Variants in LRRC7 observed in about 807,000 individuals in gnomAD.
LRRC7 encodes the protein leucine rich repeat containing 7.
LRRC7 carries 23 observed loss-of-function variants against 175.7 expected under a neutral mutation model. The ratio of observed to expected loss-of-function variants is 0.13; its 90% confidence interval spans 0.09 to 0.19. The LOEUF (loss-of-function observed/expected upper bound fraction) is 0.19. LRRC7 is among the 10% of genes least tolerant of loss of function. The pLI is 1.00. For synonymous variants in LRRC7, 685 were observed against 680.9 expected, an observed-to-expected ratio of 1.01 and a Z score of -0.09; for missense variants, 1,354 against 1,904.7, an observed-to-expected ratio of 0.71 and a Z score of 5.38.
chr1:69,959,483 A>T (rs1395511400), intron 8 of LRRC7, among the ~76,000 whole-genome samples: 1 of 152,110 alleles, frequency 6.6e-6, no homozygotes, highest in East Asian at 1.9e-4. Context: ...TGCAATTGAG[A>T]TTTCAAAGGT....
chr1:69,723,894 T>A (rs1177071474), intron 2 of LRRC7, among the ~76,000 whole-genome samples: 1 of 152,076 alleles, frequency 6.6e-6, no homozygotes, highest in Non-Finnish European at 1.5e-5. Context: ...CTGTCATGAA[T>A]TCAATATCTC....
At chr1:69,940,239 C>A (rs1029933355) in intron 8 of LRRC7, among the ~76,000 whole-genome samples, 1 of 152,102 alleles carries the variant, frequency 6.6e-6, no homozygotes, top group Non-Finnish European at 1.5e-5. Flanking sequence ...AATAAGCAGA[C>A]TCCACTGTCA....
At chr1:69,893,814 C>A (rs1364806451) in intron 7 of LRRC7, among the ~76,000 whole-genome samples, 1 of 124,414 alleles carries the variant, frequency 8.0e-6, no homozygotes, top group Middle Eastern at 3.8e-3. Flanking sequence ...TACTTGAAAA[C>A]CAAACTTTTT....
chr1:69,985,003 C>T (rs918469749), intron 9 of LRRC7, among the ~76,000 whole-genome samples: 22 of 152,188 alleles, frequency 1.4e-4, no homozygotes, highest in African/African-American at 4.8e-4. Flanking sequence ...TATAAAGGCA[C>T]GTGCTGTTCT....
rs774017642 is a variant in LRRC7, at chr1:70,138,775, A to G, written c.*16888A>G. The stretch of plus-strand genomic sequence containing the variant: ...GTGGAGGAGCTCGTTTGTCCAAGGT[A>G]TGATCTACCAGTGAGAAGATCAGTG... On this transcript the variant is annotated 3_prime_UTR_variant, in exon 27 of 27. Transcript: ENST00000651989. 2.6e-5 allele frequency: 4 copies of G among 152,204 alleles called. No individual in the cohort carries two copies. Among genetic ancestry groups the G allele is most frequent in the African/African-American group, 9.6e-5 (4 of 41,456 alleles). The allele number at this position is 152,204 out of a possible 1,614,324, so 9.4% of individuals were successfully genotyped here.
chr1:69,693,857 A>G (rs1301788605), intron 2 of LRRC7, among the ~76,000 whole-genome samples: 1 of 152,164 alleles, frequency 6.6e-6, no homozygotes, highest in Non-Finnish European at 1.5e-5. Context: ...AACAATATGA[A>G]ACTGGCACTA....
In LRRC7 at chr1:70,143,734, T is replaced by A. The variant is rs1009863119; in HGVS notation, c.*21847T>A. On this transcript the variant is annotated 3_prime_UTR_variant, in exon 27 of 27. Transcript: ENST00000651989. Reference sequence around the variant, plus strand: ...ATTGCTTACTTTAATAATACAATTTTACCATTTTATAAAAAAAATCAAATC... The same window carrying A: ...ATTGCTTACTTTAATAATACAATTTAACCATTTTATAAAAAAAATCAAATC... The A allele has an allele frequency of 2.0e-5, 3 of 152,078 alleles. No individual in the cohort carries two copies. The highest frequency in any genetic ancestry group is 2.9e-5 in the Non-Finnish European group (2 of 68,016). 9.4% of individuals were successfully genotyped at this position (152,078 alleles called of 1,614,324 possible).
chr1:69,692,460 G>A (rs951617097), intron 2 of LRRC7, among the ~76,000 whole-genome samples: 28 of 152,316 alleles, frequency 1.8e-4, no homozygotes, highest in African/African-American at 5.1e-4. Flanking sequence ...ACAGCTAGAA[G>A]GGCATTTATT....
Position 70,028,229 on chromosome 1 carries a change from T to G in LRRC7, c.1853T>G (p.Val618Gly). The change falls in exon 18 of 27, where the codon GTA (valine) becomes GGA (glycine). Residue 618 changes from valine to glycine, a missense_variant. By Grantham distance (109) the Val-to-Gly change is moderately radical (BLOSUM62 -3). Coordinates refer to ENST00000651989, the MANE Select transcript of LRRC7 (RefSeq NM_001370785.2). ...TACCCAGAGGATTTAAAGAATATGG[T>G]AAAATCTGTTCAAAATTTGGTGGGT... is the stretch of plus-strand genomic sequence containing the variant. ...TPYPEDLKNMVKSVQNLVGKP... is the reference protein window; with the variant it reads ...TPYPEDLKNMGKSVQNLVGKP... The G allele has an allele frequency of 6.2e-7, 1 of 1,613,808 alleles. No individual in the cohort carries two copies. The highest frequency in any genetic ancestry group is 8.5e-7 in the Non-Finnish European group (1 of 1,179,780).
chr1:69,781,942 GA>G (rs1200899086), intron 3 of LRRC7, among the ~76,000 whole-genome samples: 5 of 131,706 alleles, frequency 3.8e-5, no homozygotes, highest in African/African-American at 1.5e-4. Context: ...GAAAGAAAGA[GA>G]AAAGAAAAGA....
chr1:69,890,642 G>A (rs1269149682), intron 7 of LRRC7, among the ~76,000 whole-genome samples: 2 of 152,148 alleles, frequency 1.3e-5, no homozygotes, highest in East Asian at 3.8e-4. Flanking sequence ...TTCCTCTTTA[G>A]CTTTGAATGT....
chr1:70,121,879 A>G lies in LRRC7; in HGVS notation c.4720A>G (p.Thr1574Ala). ...AGACCTAGTTATTCAACGTGAGCTTACTGTCTAAATATTTTTTATAAATAG... is the reference window on the plus strand; with the variant it reads ...AGACCTAGTTATTCAACGTGAGCTTGCTGTCTAAATATTTTTTATAAATAG... ...TVDLVIQREL[T>A]V Residue 1574 changes from threonine (T) to alanine (A), a missense_variant, in exon 27 of 27, where the codon ACT becomes GCT. Thr to Ala is a moderately conservative substitution (Grantham distance 58, BLOSUM62 0). Coordinates refer to ENST00000651989, the MANE Select transcript of LRRC7 (RefSeq NM_001370785.2). 4 of 1,593,548 alleles carry G rather than the reference A, an allele frequency of 2.5e-6. No individual in the cohort carries two copies. The highest frequency in any genetic ancestry group is 3.4e-6 in the Non-Finnish European group (4 of 1,162,522).
At chr1:69,712,540 G>A (rs777109496) in intron 2 of LRRC7, among the ~76,000 whole-genome samples, 29 of 152,104 alleles carry the variant, frequency 1.9e-4, no homozygotes, top group Non-Finnish European at 4.0e-4. Flanking sequence ...AGGAGGCAGC[G>A]GTTGCAGTGA....
intron 23 of LRRC7, among the ~76,000 whole-genome samples, chr1:70,075,387 C>A (rs925958217): frequency 2.6e-5 from 4 of 152,120 alleles, no homozygotes; most frequent in African/African-American, 9.7e-5. Flanking sequence ...AGCAAGCATA[C>A]CCTCTCTCCT....
At chr1:69,882,692 C>A (rs534154724) in intron 7 of LRRC7, among the ~76,000 whole-genome samples, 1 of 150,608 alleles carries the variant, frequency 6.6e-6, no homozygotes, top group Admixed American at 6.6e-5. Flanking sequence ...TATACATGTG[C>A]CATGCTGGTG....
At position 70,125,862 on chromosome 1, in the gene LRRC7, C is replaced by A. The variant is rs1454930978; in HGVS notation, c.*3975C>A. ...ATGGAAGAAATTAGATTTATATATT[C>A]AAATATTAAGTGAAAAGTATCTGAA... On this transcript the variant is annotated 3_prime_UTR_variant, in exon 27 of 27. Coordinates refer to ENST00000651989, the MANE Select transcript of LRRC7 (RefSeq NM_001370785.2). Among the ~76,000 whole-genome samples the A allele has an allele frequency of 6.7e-6, 1 of 149,160 alleles. No homozygotes were observed. Among genetic ancestry groups the A allele is most frequent in the East Asian group, 2.0e-4 (1 of 5,102 alleles).
At chr1:69,760,530 C>T (rs12411214) in intron 3 of LRRC7, 137 bp downstream of exon 3, 1 of 700,200 alleles carries the variant, frequency 1.4e-6, no homozygotes, top group African/African-American at 1.8e-5. Context: ...TAACTTCCCC[C>T]AATATTCTCA....
At chr1:69,679,178 C>A (rs78677804) in intron 2 of LRRC7, among the ~76,000 whole-genome samples, 8,464 of 152,002 alleles carry the variant, frequency 0.056, 253 homozygotes, top group South Asian at 0.1. Flanking sequence ...TAAAATGATC[C>A]ATAATACCAA....
intron 7 of LRRC7, among the ~76,000 whole-genome samples, chr1:69,841,937 G>T (rs1211011849): frequency 6.6e-6 from 1 of 152,106 alleles, no homozygotes; most frequent in African/African-American, 2.4e-5. Flanking sequence ...AAGGACAAAT[G>T]ATTGAGCTTT....
Sources: gnomAD v4.1 joint callset for allele counts (sites outside exome capture counted in the v4.1 genomes callset) on GRCh38, gnomAD v4.1.1 for gene constraint, MANE v1.5 for transcripts, NCBI Gene and HGNC (gene_info 2026-07-23, HGNC 2026-07-21) for gene names.